Variants in MTFR1 observed in about 807,000 individuals in gnomAD.
MTFR1 encodes chondrocyte protein with a poly-proline region.
Under a neutral mutation model 38.8 loss-of-function variants are expected in MTFR1, and 28 were observed. That is an observed-to-expected ratio of 0.72 (90% confidence interval 0.53 to 0.99). MTFR1 has a LOEUF of 0.99. Ranked by LOEUF, MTFR1 falls within the 50% of genes least tolerant of loss-of-function variation. MTFR1 has a pLI of 0.00. For synonymous variants in MTFR1, 145 were observed against 137.0 expected, an observed-to-expected ratio of 1.06 and a Z score of -0.41; for missense variants, 358 against 395.5, an observed-to-expected ratio of 0.91 and a Z score of 0.81.
At chr8:65,702,254 G>C (rs1362578351) in intron 4 of MTFR1, among the ~76,000 whole-genome samples, 1 of 150,370 alleles carries the variant, frequency 6.7e-6, no homozygotes, top group Non-Finnish European at 1.5e-5. Flanking sequence ...ACTTTGAAAA[G>C]ACTGTTAGTT....
downstream of MTFR1, among the ~76,000 whole-genome samples, chr8:65,713,399 C>G (rs1806008214): frequency 6.6e-6 from 1 of 151,402 alleles, no homozygotes; most frequent in African/African-American, 2.4e-5. Context: ...CAAGATCACA[C>G]CGCTCCACTC....
At chr8:65,757,681 T>C (rs1207275211) in intron 3 of MTFR1, among the ~76,000 whole-genome samples, 1 of 152,182 alleles carries the variant, frequency 6.6e-6, no homozygotes, top group African/African-American at 2.4e-5. Context: ...TGCAGTGGCA[T>C]GATCTGGGCT....
intron 3 of MTFR1, chr8:65,723,577 C>T (rs1484891021): frequency 2.5e-5 from 40 of 1,581,862 alleles, no homozygotes; most frequent in Non-Finnish European, 3.3e-5. Flanking sequence ...GTGTGACGAT[C>T]GCAAAGTGGA....
chr8:65,723,530 T>C (rs376674794), intron 3 of MTFR1: 119 of 1,541,920 alleles, frequency 7.7e-5, no homozygotes, highest in Non-Finnish European at 1.0e-4. Flanking sequence ...TATCTAAATA[T>C]GTATAGTTAC....
chr8:65,659,583 G>C (rs1197063930), intron 1 of MTFR1, among the ~76,000 whole-genome samples: 1 of 152,160 alleles, frequency 6.6e-6, no homozygotes, highest in Non-Finnish European at 1.5e-5. Context: ...AGGTACAGTG[G>C]TGAGATGTGC....
the MTFR1 span, among the ~76,000 whole-genome samples, chr8:65,778,110 G>C: frequency 1.3e-5 from 2 of 152,168 alleles, no homozygotes; most frequent in African/African-American, 4.8e-5. Context: ...TGACAACCAG[G>C]GTTGGGAGAG....
At chr8:65,764,310 T>C (rs139302134) in intron 3 of MTFR1, among the ~76,000 whole-genome samples, 7 of 152,356 alleles carry the variant, frequency 4.6e-5, no homozygotes, top group Non-Finnish European at 8.8e-5. Flanking sequence ...TAAAATTTAA[T>C]AGACACTCCA....
intron 3 of MTFR1, among the ~76,000 whole-genome samples, chr8:65,762,109 A>C (rs1222234277): frequency 6.6e-6 from 1 of 152,200 alleles, no homozygotes; most frequent in African/African-American, 2.4e-5. Flanking sequence ...TTATTGTTTA[A>C]AATTTTTTTA....
At chr8:65,662,280 G>A (rs536182274) in intron 1 of MTFR1, among the ~76,000 whole-genome samples, 4 of 152,136 alleles carry the variant, frequency 2.6e-5, no homozygotes, top group East Asian at 3.9e-4. Flanking sequence ...GTATTTTTTT[G>A]GTGGAGACGG....
chr8:65,656,392 G>T (rs2129048197), intron 1 of MTFR1, among the ~76,000 whole-genome samples: 1 of 151,848 alleles, frequency 6.6e-6, no homozygotes, highest in South Asian at 2.1e-4. Flanking sequence ...TGTGTATAAT[G>T]GTGCACTCAT....
At chr8:65,670,460 G>A (rs1040667714) in intron 2 of MTFR1, among the ~76,000 whole-genome samples, 1 of 152,042 alleles carries the variant, frequency 6.6e-6, no homozygotes, top group Non-Finnish European at 1.5e-5. Flanking sequence ...AGAAAAAAAA[G>A]TTACTATAAT....
intron 1 of MTFR1, among the ~76,000 whole-genome samples, chr8:65,666,645 A>G (rs1483237242): frequency 6.6e-6 from 1 of 152,180 alleles, no homozygotes; most frequent in Non-Finnish European, 1.5e-5. Flanking sequence ...ATGGTTTGTG[A>G]TAATTGAGAC....
intron 2 of MTFR1, among the ~76,000 whole-genome samples, chr8:65,677,384 C>CTTTTTT (rs771296415): frequency 9.6e-6 from 1 of 104,680 alleles, no homozygotes; most frequent in Non-Finnish European, 2.0e-5. Context: ...TTAGCTGTTT[C>CTTTTTT]TTTTTTTTTT....
In MTFR1 at chr8:65,709,248, A is replaced by T; in HGVS notation, c.*204A>T. On this transcript the variant is annotated 3_prime_UTR_variant, in exon 8 of 8. Coordinates refer to ENST00000262146, the MANE Select transcript of MTFR1 (RefSeq NM_014637.4). The stretch of plus-strand genomic sequence containing the variant: ...ATGGTCAGCTTTGGTGCTCTCCACA[A>T]CATGTGTGTTCTGACATGTTTCTAA... 1.8e-6 allele frequency: 1 copy of T among 542,202 alleles called. No homozygotes were observed. The highest frequency in any genetic ancestry group is 2.5e-5 in the South Asian group (1 of 40,580). 33.6% of individuals were successfully genotyped at this position (542,202 alleles called of 1,614,324 possible). A position where few individuals can be genotyped will look rare whatever the true frequency, so the allele number is the denominator to read the frequency against.
At chr8:65,656,385 G>A (rs1308246159) in intron 1 of MTFR1, among the ~76,000 whole-genome samples, 1 of 151,780 alleles carries the variant, frequency 6.6e-6, no homozygotes, top group Non-Finnish European at 1.5e-5. Flanking sequence ...CCAGGCTTGT[G>A]TATAATGGTG....
Position 65,709,479 on chromosome 8 carries a change from C to G in MTFR1, c.*435C>G, listed in dbSNP as rs1182424539. On this transcript the variant is annotated 3_prime_UTR_variant, in exon 8 of 8. Coordinates refer to ENST00000262146, the MANE Select transcript of MTFR1 (RefSeq NM_014637.4). ...ATGGCAACGAGGGCACTGTTATCTT[C>G]GTTTGTTTTCAATGATCATTTAGCA... 6.4e-6 allele frequency: 1 copy of G among 155,068 alleles called. No homozygotes were observed. The highest frequency in any genetic ancestry group is 1.4e-5 in the Non-Finnish European group (1 of 69,754). The allele number at this position is 155,068 out of a possible 1,614,324, so 9.6% of individuals were successfully genotyped here.
At chr8:65,776,100 T>C (rs1809252025), downstream of MTFR1, among the ~76,000 whole-genome samples, 1 of 152,192 alleles carries the variant, frequency 6.6e-6, no homozygotes, top group South Asian at 2.1e-4. Context: ...TTACCTGAAT[T>C]ATCAGCATAA....
chr8:65,759,280 C>A (rs1177848031), intron 3 of MTFR1, among the ~76,000 whole-genome samples: 1 of 152,172 alleles, frequency 6.6e-6, no homozygotes, highest in African/African-American at 2.4e-5. Flanking sequence ...GGGCTCAGGA[C>A]AGTACTATCT....
At position 65,744,942 on chromosome 8, in the gene MTFR1, T is replaced by C. The variant is rs140778886; in HGVS notation, c.*48+25461T>C. Among the ~76,000 whole-genome samples the C allele has an allele frequency of 3.4e-3, 518 of 152,362 alleles. 3 individuals are homozygous for C. Among genetic ancestry groups the C allele is most frequent in the African/African-American group, 0.012 (491 of 41,592 alleles). On this transcript the variant is annotated intron_variant, in intron 3 of 3. Coordinates refer to the MTFR1 transcript ENST00000521247. ...GATGCTCCCTGATATGGTTTGGCTGTGTCCCCAGCCAAATCTCACCTTGAA... is the reference window on the plus strand; with the variant it reads ...GATGCTCCCTGATATGGTTTGGCTGCGTCCCCAGCCAAATCTCACCTTGAA...
Sources: allele counts gnomAD v4.1 joint callset (sites outside exome capture counted in the v4.1 genomes callset), GRCh38; gene constraint gnomAD v4.1.1; transcripts MANE v1.5; gene names NCBI Gene and HGNC (gene_info 2026-07-23, HGNC 2026-07-21).